Variants in SUV39H2 observed in about 807,000 individuals in gnomAD.
The protein encoded by SUV39H2 is SUV39H2 histone lysine methyltransferase, also known as histone-lysine N-methyltransferase SUV39H2.
Under a neutral mutation model 47.5 loss-of-function variants are expected in SUV39H2, and 10 were observed. The observed-to-expected ratio is 0.21, with a 90% CI of 0.13 to 0.36. SUV39H2 has a LOEUF of 0.36. Ranked by LOEUF, SUV39H2 falls within the 10% of genes least tolerant of loss-of-function variation. The pLI, the probability that SUV39H2 is intolerant of heterozygous loss-of-function variation, is 1.00. For synonymous variants in SUV39H2, 159 were observed against 166.8 expected (o/e 0.95, Z 0.36); for missense variants, 266 against 487.4 (o/e 0.55, Z 4.28).
At chr10:14,879,153 C>T (rs1385565087) in intron 1 of SUV39H2, 1 of 1,216,542 alleles carries the variant, frequency 8.2e-7, no homozygotes, top group African/African-American at 1.6e-5. Flanking sequence ...GCCTGGGGCA[C>T]TTCGGAAGTG....
chr10:14,887,805 G>T (rs1833260211), intron 2 of SUV39H2, among the ~76,000 whole-genome samples: 2 of 152,218 alleles, frequency 1.3e-5, no homozygotes, highest in South Asian at 2.1e-4. Context: ...TGTAGTTGAC[G>T]TAAGTGTTGA....
chr10:14,889,945 A>C (rs1300262394), intron 2 of SUV39H2, among the ~76,000 whole-genome samples: 1 of 152,248 alleles, frequency 6.6e-6, no homozygotes, highest in Non-Finnish European at 1.5e-5. Flanking sequence ...AGTTCAGTTA[A>C]GAACAAGATC....
At chr10:14,900,415 G>T (rs1347579170) in intron 4 of SUV39H2, among the ~76,000 whole-genome samples, 3 of 152,200 alleles carry the variant, frequency 2.0e-5, no homozygotes, top group Non-Finnish European at 2.9e-5. Context: ...AAAGGAAGTA[G>T]ACCATGTTAA....
intron 5 of SUV39H2, 64 bp downstream of exon 5, chr10:14,901,326 G>A: frequency 3.8e-6 from 6 of 1,596,060 alleles, no homozygotes; most frequent in South Asian, 1.1e-5. Context: ...ATCAGACTAG[G>A]AACAGACCTT....
At chr10:14,888,719 G>C (rs1438557144) in intron 2 of SUV39H2, among the ~76,000 whole-genome samples, 2 of 152,114 alleles carry the variant, frequency 1.3e-5, no homozygotes, top group Non-Finnish European at 2.9e-5. Context: ...TAAACAGTAG[G>C]TCAGAGAACT....
At chr10:14,882,088 A>G (rs964113933) in intron 2 of SUV39H2, among the ~76,000 whole-genome samples, 1 of 152,226 alleles carries the variant, frequency 6.6e-6, no homozygotes, top group Admixed American at 6.5e-5. Context: ...CTAGGTTATA[A>G]TAGAATGGCC....
At chr10:14,892,528 C>G (rs969516985) in intron 2 of SUV39H2, among the ~76,000 whole-genome samples, 2 of 152,152 alleles carry the variant, frequency 1.3e-5, no homozygotes, top group African/African-American at 4.8e-5. Flanking sequence ...TGCCATGTTC[C>G]CTACTCAATC....
At chr10:14,891,713 G>A (rs1037717088) in intron 2 of SUV39H2, among the ~76,000 whole-genome samples, 1 of 152,174 alleles carries the variant, frequency 6.6e-6, no homozygotes, top group Non-Finnish European at 1.5e-5. Flanking sequence ...AGGTGGACAG[G>A]TAAGATTCAC....
intron 2 of SUV39H2, among the ~76,000 whole-genome samples, chr10:14,894,223 C>CTT (rs753387560): frequency 3.0e-5 from 4 of 132,848 alleles, no homozygotes; most frequent in Admixed American, 1.5e-4. Context: ...TACATCTAGG[C>CTT]TTTTTTTTTT....
intron 2 of SUV39H2, among the ~76,000 whole-genome samples, chr10:14,884,580 A>C (rs1833146538): frequency 6.6e-6 from 1 of 152,160 alleles, no homozygotes; most frequent in South Asian, 2.1e-4. Flanking sequence ...GTGATTTGCA[A>C]AAATTTTCTC....
rs1386189348 is a variant in SUV39H2, at chr10:14,880,692, ATCT to A, written c.32-804_32-802del. Among the ~76,000 whole-genome samples the A allele has an allele frequency of 2.0e-5, 3 of 152,282 alleles. No individual in the cohort carries two copies. The East Asian group carries it at 5.8e-4, about 29-fold the overall frequency. ...CTGCTTACAGAAATTTGAGGGTGAA[ATCT>A]TCTGGAACGCAATTAGTTTCTGGTT... is the stretch of plus-strand genomic sequence containing the variant. On this transcript the variant is annotated intron_variant, in intron 1 of 5. Transcript: ENST00000354919.
intron 2 of SUV39H2, among the ~76,000 whole-genome samples, chr10:14,883,622 T>C (rs1833110916): frequency 6.7e-6 from 1 of 148,304 alleles, no homozygotes; most frequent in Admixed American, 6.9e-5. Context: ...GGAGAATTGC[T>C]TGAACTCCAG....
At chr10:14,888,816 T>G (rs557550784) in intron 2 of SUV39H2, among the ~76,000 whole-genome samples, 2 of 150,748 alleles carry the variant, frequency 1.3e-5, no homozygotes, top group Non-Finnish European at 3.0e-5. Context: ...AATTAAAGAA[T>G]GAACCAGGCC....
rs779970656 is a variant in SUV39H2 at position 14,897,413 on chromosome 10, C to G, written c.745C>G (p.Gln249Glu). The change falls in exon 3 of 6, where the codon CAG becomes GAG. Residue 249 changes from glutamine (Q) to glutamate (E), a missense_variant. Gln to Glu is a conservative substitution (Grantham distance 29). Transcript: ENST00000354919. The stretch of plus-strand genomic sequence containing the variant: ...CAATAGGATTGTACAAAAAGGCACA[C>G]AGTATTCGCTTTGCATCTTTCGAAC... The part of the protein sequence containing the change: ...CPNRIVQKGT[Q>E]YSLCIFRTSN... The G allele has an allele frequency of 6.2e-7, 1 of 1,613,282 alleles. No individual in the cohort carries two copies. Among genetic ancestry groups the G allele is most frequent in the African/African-American group, 1.3e-5 (1 of 74,928 alleles).
intron 2 of SUV39H2, among the ~76,000 whole-genome samples, chr10:14,886,551 A>G (rs1833215409): frequency 6.6e-6 from 1 of 152,134 alleles, no homozygotes; most frequent in Non-Finnish European, 1.5e-5. Context: ...TGCTTCGGTC[A>G]TGTTTCTAGG....
At chr10:14,885,218 G>A (rs1413362650) in intron 2 of SUV39H2, among the ~76,000 whole-genome samples, 4 of 152,006 alleles carry the variant, frequency 2.6e-5, no homozygotes, top group Admixed American at 6.5e-5. Context: ...GCTTCATTGC[G>A]AACTGGATAC....
intron 2 of SUV39H2, among the ~76,000 whole-genome samples, chr10:14,886,537 CT>C (rs752151405): frequency 3.3e-4 from 50 of 152,322 alleles, no homozygotes; most frequent in Non-Finnish European, 5.4e-4. Context: ...ATTGAATTGT[CT>C]TTTGCTTCGG....
chr10:14,879,246 G>A, intron 1 of SUV39H2: 1 of 588,154 alleles, frequency 1.7e-6, no homozygotes, highest in Non-Finnish European at 2.3e-6. Flanking sequence ...CTCCCCGGCA[G>A]TCCCCGGTTG....
chr10:14,902,000 C>G (rs1230241600), intron 5 of SUV39H2, among the ~76,000 whole-genome samples: 1 of 152,120 alleles, frequency 6.6e-6, no homozygotes, highest in Non-Finnish European at 1.5e-5. Flanking sequence ...TGTTTTCTTT[C>G]CTTTAAGAAT....
Sources: allele counts gnomAD v4.1 joint callset (sites outside exome capture counted in the v4.1 genomes callset), GRCh38; gene constraint gnomAD v4.1.1; transcripts MANE v1.5; gene names NCBI Gene and HGNC (gene_info 2026-07-23, HGNC 2026-07-21).